GRHL2: variants seen among roughly 807,000 people sequenced by gnomAD.
The protein encoded by GRHL2 is grainyhead like transcription factor 2, also known as grainyhead-like protein 2 homolog.
GRHL2 carries 21 observed loss-of-function variants against 83.8 expected under a neutral mutation model. That is an observed-to-expected ratio of 0.25 (90% confidence interval 0.18 to 0.36). The LOEUF is 0.36. GRHL2 is among the 10% of genes least tolerant of loss of function. GRHL2 has a pLI of 1.00. For missense variants in GRHL2, 623 were observed against 781.8 expected (o/e 0.80, Z 2.42); for synonymous variants, 280 against 278.9 (o/e 1.00, Z -0.04).
intron 1 of GRHL2, among the ~76,000 whole-genome samples, chr8:101,515,989 T>A (rs534904149): frequency 3.3e-5 from 5 of 152,320 alleles, no homozygotes; most frequent in African/African-American, 1.2e-4. Flanking sequence ...CAGTAGCTTG[T>A]CAGAGGTCAC....
At chr8:101,627,332 AT>A (rs1160181636) in intron 9 of GRHL2, among the ~76,000 whole-genome samples, 1 of 151,924 alleles carries the variant, frequency 6.6e-6, no homozygotes, top group Non-Finnish European at 1.5e-5. Flanking sequence ...CATTTTCATT[AT>A]TATTATATCT....
chr8:101,581,172 G>A (rs1167621244), intron 7 of GRHL2, among the ~76,000 whole-genome samples: 9 of 152,200 alleles, frequency 5.9e-5, no homozygotes, highest in Non-Finnish European at 5.9e-5. Context: ...CATGGAGGAC[G>A]TTTTGCAGTC....
In GRHL2 at chr8:101,492,794, G is replaced by A; in HGVS notation, c.20+5G>A. The A allele has an allele frequency of 6.2e-7, 1 of 1,614,020 alleles. No homozygotes were observed. Among genetic ancestry groups the A allele is most frequent in the Non-Finnish European group, 8.5e-7 (1 of 1,179,850 alleles). On this transcript the variant is annotated splice_donor_5th_base_variant and intron_variant, in intron 1 of 15. Coordinates refer to ENST00000646743, the MANE Select transcript of GRHL2 (RefSeq NM_024915.4). ...CATGTCACAAGAGTCGGACAAGTAA[G>A]TGGATCACACGCGCCGGCTGCTGCT...
intron 2 of GRHL2, chr8:101,543,725 T>G: frequency 2.4e-6 from 1 of 413,530 alleles, no homozygotes; most frequent in Non-Finnish European, 4.5e-6. Flanking sequence ...TACAAATACT[T>G]CCTTGTTGCT....
chr8:101,632,372 C>T lies in GRHL2; in HGVS notation c.1485+7C>T. On this transcript the variant is annotated splice_region_variant and intron_variant, in intron 11 of 15. Transcript: ENST00000646743. The stretch of plus-strand genomic sequence containing the variant: ...CCTGCAGAGGACCGGACAGGTATGA[C>T]CTACCAGCTAACGCCCACCTCCCAT... 6.2e-7 allele frequency: 1 copy of T among 1,613,784 alleles called. No homozygotes were observed. Among genetic ancestry groups the T allele is most frequent in the Non-Finnish European group, 8.5e-7 (1 of 1,179,750 alleles).
chr8:101,662,685 T>C (rs1813946974), intron 14 of GRHL2, among the ~76,000 whole-genome samples: 2 of 152,152 alleles, frequency 1.3e-5, no homozygotes, highest in Admixed American at 6.5e-5. Flanking sequence ...CCCGAATCCA[T>C]CTGTAAACTG....
At chr8:101,503,488 C>T (rs967217953) in intron 1 of GRHL2, among the ~76,000 whole-genome samples, 5 of 152,158 alleles carry the variant, frequency 3.3e-5, no homozygotes, top group African/African-American at 4.8e-5. Flanking sequence ...AAACCGGGTT[C>T]GGGTAAAATA....
intron 1 of GRHL2, among the ~76,000 whole-genome samples, chr8:101,514,176 C>A (rs1810522271): frequency 6.6e-6 from 1 of 152,150 alleles, no homozygotes; most frequent in African/African-American, 2.4e-5. Context: ...CATATGTGCA[C>A]ACACACAGGA....
chr8:101,632,375 A>G lies in GRHL2; in HGVS notation c.1485+10A>G. 1 of 1,613,790 alleles carries G rather than the reference A, an allele frequency of 6.2e-7. No homozygotes were observed. Among genetic ancestry groups the G allele is most frequent in the Non-Finnish European group, 8.5e-7 (1 of 1,179,752 alleles). On this transcript the variant is annotated intron_variant, in intron 11 of 15. Coordinates refer to ENST00000646743, the MANE Select transcript of GRHL2 (RefSeq NM_024915.4). The stretch of plus-strand genomic sequence containing the variant: ...GCAGAGGACCGGACAGGTATGACCT[A>G]CCAGCTAACGCCCACCTCCCATCCA...
At chr8:101,649,315 C>A in intron 13 of GRHL2, 99 bp from the exon 14 acceptor site, 1 of 906,954 alleles carries the variant, frequency 1.1e-6, no homozygotes, top group Non-Finnish European at 1.8e-6. Context: ...GCAGGAGGTG[C>A]CACTCTCCAA....
At chr8:101,674,233 C>T (rs548046044), downstream of GRHL2, among the ~76,000 whole-genome samples, 309 of 152,116 alleles carry the variant, frequency 2.0e-3, 2 homozygotes, top group Middle Eastern at 0.01. Flanking sequence ...GAAATAGAGA[C>T]ACAAAAAACC....
intron 14 of GRHL2, among the ~76,000 whole-genome samples, chr8:101,657,750 G>A (rs1047691077): frequency 4.6e-5 from 7 of 151,172 alleles, no homozygotes; most frequent in African/African-American, 1.7e-4. Flanking sequence ...TGAGGCAGGA[G>A]AATGGTGTGA....
In GRHL2 at chr8:101,666,931, T is replaced by C. The variant is rs1053432914; in HGVS notation, c.*228T>C. 6.6e-6 allele frequency: 4 copies of C among 603,498 alleles called. No homozygotes were observed. In the Admixed American group the frequency reaches 8.5e-5, roughly 13 times the overall value. 37.4% of individuals were successfully genotyped at this position (603,498 alleles called of 1,614,324 possible). ...GCCTGAGCCCCTCAGGAAGGTGCCT[T>C]AGGCCTGTTGGATTCCTATTTATTG... On this transcript the variant is annotated 3_prime_UTR_variant, in exon 16 of 16. Coordinates refer to ENST00000646743, the MANE Select transcript of GRHL2 (RefSeq NM_024915.4).
At chr8:101,641,131 G>GT (rs1392298416) in intron 12 of GRHL2, among the ~76,000 whole-genome samples, 3 of 151,848 alleles carry the variant, frequency 2.0e-5, no homozygotes, top group African/African-American at 7.3e-5. Flanking sequence ...TTTGTTTTTG[G>GT]TTTTTTACTG....
chr8:101,594,907 G>A (rs1236009564), intron 7 of GRHL2, among the ~76,000 whole-genome samples: 2 of 151,976 alleles, frequency 1.3e-5, no homozygotes, highest in Admixed American at 6.5e-5. Flanking sequence ...AATAGTAAAC[G>A]AATAAATAAA....
intron 2 of GRHL2, among the ~76,000 whole-genome samples, chr8:101,549,738 T>G (rs973553203): frequency 1.3e-5 from 2 of 152,154 alleles, no homozygotes; most frequent in Non-Finnish European, 1.5e-5. Flanking sequence ...CATGCCTTCC[T>G]TGTTCTGTCC....
At chr8:101,677,923 T>G in the GRHL2 span, among the ~76,000 whole-genome samples, 2 of 152,130 alleles carry the variant, frequency 1.3e-5, no homozygotes, top group Non-Finnish European at 2.9e-5. Context: ...TCTTTCCCTA[T>G]GCAATAATCT....
rs1814127041 is a variant in GRHL2, at chr8:101,668,384, G to C, written c.*1681G>C. ...CTCCCACCTCATCTGTCCCTGAGAT[G>C]CAGAGCAGGATGGAGGGTCTGCTTC... On this transcript the variant is annotated 3_prime_UTR_variant, in exon 16 of 16. Transcript: ENST00000646743. 1 of 152,684 alleles carries C rather than the reference G, an allele frequency of 6.5e-6. No individual in the cohort carries two copies. Among genetic ancestry groups the C allele is most frequent in the African/African-American group, 2.4e-5 (1 of 41,432 alleles). 9.5% of individuals were successfully genotyped at this position (152,684 alleles called of 1,614,324 possible). A position where few individuals can be genotyped will look rare whatever the true frequency, so the allele number is the denominator to read the frequency against.
At chr8:101,666,139 A>C (rs1814050708) in intron 15 of GRHL2, among the ~76,000 whole-genome samples, 1 of 152,178 alleles carries the variant, frequency 6.6e-6, no homozygotes, top group African/African-American at 2.4e-5. Context: ...TTACATGCTC[A>C]AAAAAGGGTA....
Sources: gnomAD v4.1 joint callset for allele counts (sites outside exome capture counted in the v4.1 genomes callset) on GRCh38, gnomAD v4.1.1 for gene constraint, MANE v1.5 for transcripts, NCBI Gene and HGNC (gene_info 2026-07-23, HGNC 2026-07-21) for gene names.